The following RPRD2 variants were observed in gnomAD, a reference collection of about 807,000 sequenced individuals.
RPRD2 encodes the protein regulation of nuclear pre-mRNA domain-containing protein 2.
Under a neutral mutation model 104.4 loss-of-function variants are expected in RPRD2, and 12 were observed. The observed-to-expected ratio is 0.11, with a 90% CI of 0.07 to 0.19. RPRD2 has a LOEUF of 0.19. RPRD2 is among the 10% of genes least tolerant of loss of function. RPRD2 has a pLI of 1.00. For missense variants in RPRD2, 1,543 were observed against 1,790.1 expected (o/e 0.86, Z 2.49); for synonymous variants, 714 against 684.9 (o/e 1.04, Z -0.66).
At chr1:150,436,188 C>G (rs1190375154) in intron 2 of RPRD2, among the ~76,000 whole-genome samples, 2 of 151,872 alleles carry the variant, frequency 1.3e-5, no homozygotes, top group Non-Finnish European at 2.9e-5. Flanking sequence ...GACAATGCAC[C>G]CAGTCACCCA....
At chr1:150,463,184 C>T (rs1668051459) in intron 9 of RPRD2, among the ~76,000 whole-genome samples, 1 of 151,960 alleles carries the variant, frequency 6.6e-6, no homozygotes, top group Admixed American at 6.6e-5. Flanking sequence ...TTTTGCCAGG[C>T]AAGGTGGGAT....
At chr1:150,445,023 C>G (rs1289807103) in intron 6 of RPRD2, among the ~76,000 whole-genome samples, 1 of 151,860 alleles carries the variant, frequency 6.6e-6, no homozygotes, top group Non-Finnish European at 1.5e-5. Flanking sequence ...CCTGTCTCTA[C>G]AAAAAAATTA....
chr1:150,416,557 C>T (rs587610719), intron 1 of RPRD2, among the ~76,000 whole-genome samples: 2 of 151,990 alleles, frequency 1.3e-5, no homozygotes, highest in Admixed American at 1.3e-4. Context: ...ATTGATGGGG[C>T]TTTGTCATGA....
In RPRD2 at chr1:150,376,501, C is replaced by CTT. The variant is rs587716712; in HGVS notation, c.205+11594_205+11595dup. Reference sequence around the variant, plus strand: ...GTTTTAGAGTGTAGCATGATACAGTCTTTTTTTTTTTTTGAGACGGAATCT... The same window carrying CTT: ...GTTTTAGAGTGTAGCATGATACAGTCTTTTTTTTTTTTTTTGAGACGGAATCT... On this transcript the variant is annotated intron_variant, in intron 1 of 10. Coordinates refer to ENST00000369068, the MANE Select transcript of RPRD2 (RefSeq NM_015203.5). Among the ~76,000 whole-genome samples, 724 of 144,512 alleles carry CTT rather than the reference C, an allele frequency of 5.0e-3. 6 individuals carry two copies. The highest frequency in any genetic ancestry group is 0.015 in the African/African-American group (581 of 39,590). The allele number at this position is 144,512 out of a possible 152,430, so 94.8% of individuals were successfully genotyped here. A position where few individuals can be genotyped will look rare whatever the true frequency, so the allele number is the denominator to read the frequency against.
chr1:150,383,029 G>C (rs992916362), intron 1 of RPRD2, among the ~76,000 whole-genome samples: 2 of 151,932 alleles, frequency 1.3e-5, no homozygotes, highest in African/African-American at 2.4e-5. Flanking sequence ...GTCTCACTGT[G>C]TCACCCAGTC....
chr1:150,436,435 A>T (rs1442141062), intron 2 of RPRD2, among the ~76,000 whole-genome samples: 7 of 151,460 alleles, frequency 4.6e-5, no homozygotes, highest in Admixed American at 2.0e-4. Context: ...CCCCGTCTCT[A>T]CTAAAAATAC....
intron 1 of RPRD2, among the ~76,000 whole-genome samples, chr1:150,409,407 T>C (rs1441190714): frequency 6.6e-6 from 1 of 152,112 alleles, no homozygotes; most frequent in African/African-American, 2.4e-5. Flanking sequence ...TCTTTTTTTT[T>C]CCTAATTTAT....
chr1:150,432,245 G>A (rs1183360368), intron 2 of RPRD2, among the ~76,000 whole-genome samples: 1 of 151,224 alleles, frequency 6.6e-6, no homozygotes, highest in African/African-American at 2.4e-5. Context: ...AAAACATGCT[G>A]AAATAAGCCA....
chr1:150,429,802 C>T (rs1190470215), intron 2 of RPRD2, among the ~76,000 whole-genome samples: 1 of 152,188 alleles, frequency 6.6e-6, no homozygotes. Flanking sequence ...GCAGAATAGT[C>T]AACCATCTAT....
chr1:150,441,584 G>A, intron 3 of RPRD2: 1 of 257,238 alleles, frequency 3.9e-6, no homozygotes, highest in Non-Finnish European at 7.4e-6. Context: ...TTTAAAAATG[G>A]CATCTTCTAA....
chr1:150,364,649 C>A lies in RPRD2; in HGVS notation c.-66C>A. 1 of 839,894 alleles carries A rather than the reference C, an allele frequency of 1.2e-6. No homozygotes were observed. Among genetic ancestry groups the A allele is most frequent in the Non-Finnish European group, 1.9e-6 (1 of 538,210 alleles). 52.0% of individuals were successfully genotyped at this position (839,894 alleles called of 1,614,324 possible). ...TCACGCACTCGCAGTGATTGTTTTG[C>A]CCGCTCCCGCCGCCGCCGCCGCCGC... is the stretch of plus-strand genomic sequence containing the variant. On this transcript the variant is annotated 5_prime_UTR_variant, in exon 1 of 11. Transcript: ENST00000369068.
In RPRD2 at chr1:150,422,174, T is replaced by TAC. The variant is rs35584289; in HGVS notation, c.335+4465_335+4466dup. 1.3e-3 allele frequency among the ~76,000 whole-genome samples: 188 copies of TAC among 147,192 alleles called. 1 individual carries two copies. Among genetic ancestry groups the TAC allele is most frequent in the African/African-American group, 2.3e-3 (93 of 39,976 alleles). On this transcript the variant is annotated intron_variant, in intron 2 of 10. Transcript: ENST00000369068. The stretch of plus-strand genomic sequence containing the variant: ...ACCCCGTCTCTACTAAAAACACACA[T>TAC]ACACACACACACACACAAAATTAGC...
chr1:150,426,683 A>G (rs1049605928), intron 2 of RPRD2, among the ~76,000 whole-genome samples: 15 of 152,206 alleles, frequency 9.9e-5, no homozygotes, highest in African/African-American at 3.4e-4. Context: ...GTAAGAGAGA[A>G]TAGAATAGTG....
intron 1 of RPRD2, 61 bp from the exon 2 acceptor site, chr1:150,417,535 A>G: frequency 7.4e-7 from 1 of 1,348,574 alleles, no homozygotes; most frequent in Non-Finnish European, 9.9e-7. Flanking sequence ...TATTTGGAAT[A>G]AGTTGAACTA....
In RPRD2 at chr1:150,464,675, C is replaced by T; in HGVS notation, c.1560C>T (p.Ser520=). The T allele has an allele frequency of 6.2e-7, 1 of 1,613,146 alleles. No individual in the cohort carries two copies. Among genetic ancestry groups the T allele is most frequent in the Non-Finnish European group, 8.5e-7 (1 of 1,179,554 alleles). ...ILSKVEITPE[S]ILSALSKTQT... ...CCAAGGTGGAGATCACCCCAGAGAG[C>T]ATTCTGTCTGCACTTTCCAAAACCC... The change falls in exon 10 of 11, where the codon AGC becomes AGT. Residue 520 remains serine, a synonymous_variant. Coordinates refer to ENST00000369068, the MANE Select transcript of RPRD2 (RefSeq NM_015203.5).
intron 2 of RPRD2, among the ~76,000 whole-genome samples, chr1:150,420,318 A>G (rs1664675675): frequency 6.6e-6 from 1 of 152,196 alleles, no homozygotes; most frequent in Non-Finnish European, 1.5e-5. Context: ...GTTTCATGGA[A>G]AAAAGTGAGA....
chr1:150,463,882 C>T (rs1276165029), intron 9 of RPRD2, among the ~76,000 whole-genome samples: 1 of 152,190 alleles, frequency 6.6e-6, no homozygotes, highest in Non-Finnish European at 1.5e-5. Flanking sequence ...TGGTACATGC[C>T]TGTAATTCCC....
chr1:150,391,183 G>C (rs1442809896), intron 1 of RPRD2, among the ~76,000 whole-genome samples: 1 of 152,144 alleles, frequency 6.6e-6, no homozygotes, highest in Non-Finnish European at 1.5e-5. Context: ...AGTGCAGAGA[G>C]AAAACAGCCA....
intron 5 of RPRD2, among the ~76,000 whole-genome samples, chr1:150,443,989 A>G (rs587612750): frequency 1.5e-4 from 23 of 152,312 alleles, no homozygotes; most frequent in Admixed American, 3.9e-4. Flanking sequence ...CTGCACTCCA[A>G]CCTGGGCGAC....
Sources: allele counts gnomAD v4.1 joint callset (sites outside exome capture counted in the v4.1 genomes callset), GRCh38; gene constraint gnomAD v4.1.1; transcripts MANE v1.5; gene names NCBI Gene and HGNC (gene_info 2026-07-23, HGNC 2026-07-21).